Variants in FAM78A observed in about 807,000 individuals in gnomAD.
FAM78A encodes the protein protein FAM78A.
In FAM78A, 12 loss-of-function variants were observed where a neutral mutation model predicts 22.6. That is an observed-to-expected ratio of 0.53 (90% confidence interval 0.34 to 0.86). The LOEUF (loss-of-function observed/expected upper bound fraction) is 0.86, where lower values mean the gene tolerates loss of function less well. Ranked by LOEUF, FAM78A falls within the 40% of genes least tolerant of loss-of-function variation. The probability of loss-of-function intolerance (pLI) is 0.02; values close to 1 mark genes in which losing one functional copy is unlikely to be tolerated. For missense variants in FAM78A, 322 were observed against 396.1 expected, an observed-to-expected ratio of 0.81 and a Z score of 1.59; for synonymous variants, 151 against 155.8, an observed-to-expected ratio of 0.97 and a Z score of 0.23.
intron 1 of FAM78A, among the ~76,000 whole-genome samples, chr9:131,267,872 C>T (rs549082077): frequency 2.0e-5 from 3 of 151,958 alleles, no homozygotes; most frequent in East Asian, 3.9e-4. Flanking sequence ...GGTGAAACCC[C>T]GTCTCTACTA....
upstream of FAM78A, among the ~76,000 whole-genome samples, chr9:131,279,855 G>C (rs1194956516): frequency 6.6e-6 from 1 of 152,218 alleles, no homozygotes; most frequent in Non-Finnish European, 1.5e-5. Context: ...AGGGGATAGA[G>C]ACTTCTCAGA....
At chr9:131,267,758 G>A (rs1480459546) in intron 1 of FAM78A, among the ~76,000 whole-genome samples, 1 of 152,100 alleles carries the variant, frequency 6.6e-6, no homozygotes, top group Non-Finnish European at 1.5e-5. Flanking sequence ...AAGACTTGAG[G>A]CTCCAGGCCG....
chr9:131,276,423 GAAT>G lies in FAM78A; in HGVS notation c.-247_-245del. The G allele has an allele frequency of 2.2e-6, 1 of 447,470 alleles. No homozygotes were observed. The highest frequency in any genetic ancestry group is 3.9e-5 in the Admixed American group (1 of 25,528). The allele number at this position is 447,470 out of a possible 1,614,324, so 27.7% of individuals were successfully genotyped here. On this transcript the variant is annotated 5_prime_UTR_variant, in exon 1 of 2. Coordinates refer to ENST00000372271, the MANE Select transcript of FAM78A (RefSeq NM_033387.4). The surrounding 1 kb of genome is among the most constrained non-coding windows in gnomAD (Gnocchi z 4.3). ...GGTTAAAAAAAGTTTGTAGTTTAATGAATAATTATGCGGTTCTGACATCCAGCC... is the reference window on the plus strand; with the variant it reads ...GGTTAAAAAAAGTTTGTAGTTTAATGAATTATGCGGTTCTGACATCCAGCC...
chr9:131,270,547 C>G, intron 1 of FAM78A: 1 of 714,722 alleles, frequency 1.4e-6, no homozygotes, highest in Non-Finnish European at 2.6e-6. Context: ...GGGGAGCTCT[C>G]TTTAGGCTGG....
rs929404153 is a variant in FAM78A at position 131,265,763 on chromosome 9, G to A, written c.324-4413C>T. On this transcript the variant is annotated intron_variant, in intron 1 of 1. Transcript: ENST00000372271. This position sits in a 1 kb window ranked among gnomAD's most constrained non-coding sequence, Gnocchi z 4.3. Reference sequence around the variant, plus strand: ...CAGGGCCCTTCTGAGTGCAGGCCCCGGACAGCTGTCCAGTCTAGGAGCCCA... The same window carrying A: ...CAGGGCCCTTCTGAGTGCAGGCCCCAGACAGCTGTCCAGTCTAGGAGCCCA... 1.3e-5 allele frequency among the ~76,000 whole-genome samples: 2 copies of A among 152,110 alleles called. No homozygotes were observed. The highest frequency in any genetic ancestry group is 2.4e-5 in the African/African-American group (1 of 41,420).
intron 1 of FAM78A, chr9:131,270,141 T>C: frequency 4.8e-6 from 3 of 621,494 alleles, no homozygotes; most frequent in South Asian, 1.8e-5. Context: ...GGGAGGCGGA[T>C]GTTGCAGTGA....
At chr9:131,263,253 A>AG (rs1835297230) in intron 1 of FAM78A, among the ~76,000 whole-genome samples, 1 of 150,478 alleles carries the variant, frequency 6.6e-6, no homozygotes, top group South Asian at 2.1e-4. Context: ...AAAAAAAAAA[A>AG]AGAAAAAGAA....
Position 131,260,972 on chromosome 9 carries a change from G to A in FAM78A, c.702C>T (p.Pro234=), listed in dbSNP as rs770211682. Residue 234 remains proline, a synonymous_variant, in exon 2 of 2, where the codon CCC becomes CCT. Coordinates refer to ENST00000372271, the MANE Select transcript of FAM78A (RefSeq NM_033387.4). The surrounding 1 kb of genome is among the most constrained non-coding windows in gnomAD (Gnocchi z 5.4). ...GGATTTTGGGCTGGTCCTGGGCGAT[G>A]GGCTCCCGCAGCCGGGCGCGCTGGC... The part of the protein sequence containing the change: ...PLGQRARLRE[P]IAQDQPKILS... The A allele has an allele frequency of 5.0e-6, 8 of 1,612,980 alleles. No homozygotes were observed. The highest frequency in any genetic ancestry group is 2.7e-5 in the African/African-American group (2 of 74,918).
chr9:131,276,213 C>A lies in FAM78A; in HGVS notation c.-34G>T. 1 of 1,555,850 alleles carries A rather than the reference C, an allele frequency of 6.4e-7. No individual in the cohort carries two copies. On this transcript the variant is annotated 5_prime_UTR_variant, in exon 1 of 2. Coordinates refer to ENST00000372271, the MANE Select transcript of FAM78A (RefSeq NM_033387.4). The surrounding 1 kb of genome is among the most constrained non-coding windows in gnomAD (Gnocchi z 4.3). ...CAGAGGCTGCAGGACCCAGTACAGA[C>A]GGCGCTGCTCTCCAATCTCAACTCT...
chr9:131,277,086 C>A (rs1270177622), upstream of FAM78A, among the ~76,000 whole-genome samples: 1 of 151,258 alleles, frequency 6.6e-6, no homozygotes, highest in Non-Finnish European at 1.5e-5. The surrounding 1 kb of genome is among the most constrained non-coding windows in gnomAD (Gnocchi z 8.4). Context: ...GGCGGTCTCC[C>A]CGGAGGCGGT....
intron 1 of FAM78A, among the ~76,000 whole-genome samples, chr9:131,267,923 G>A (rs1006385153): frequency 2.0e-5 from 3 of 152,068 alleles, no homozygotes; most frequent in African/African-American, 7.2e-5. Flanking sequence ...GTGGTGGCAG[G>A]CACCTGTAGT....
upstream of FAM78A, among the ~76,000 whole-genome samples, chr9:131,280,005 G>A (rs773118232): frequency 4.6e-5 from 7 of 152,224 alleles, no homozygotes; most frequent in Admixed American, 1.3e-4. Context: ...CAGCAGAGGT[G>A]TGTGGGCGCC....
At chr9:131,276,644 ACCCGC>A (rs1327101249), upstream of FAM78A, 1 of 152,776 alleles carries the variant, frequency 6.5e-6, no homozygotes, top group Non-Finnish European at 1.5e-5. The surrounding 1 kb of genome is among the most constrained non-coding windows in gnomAD (Gnocchi z 4.3). Context: ...CCGCACCCGC[ACCCGC>A]CCGGCGCGGT....
At chr9:131,264,911 C>T (rs759170359) in intron 1 of FAM78A, among the ~76,000 whole-genome samples, 69 of 151,954 alleles carry the variant, frequency 4.5e-4, no homozygotes, top group Non-Finnish European at 8.8e-4. Flanking sequence ...TTAGTAGAGA[C>T]GGGGTTTCAC....
At chr9:131,280,333 C>T (rs1243589155), upstream of FAM78A, among the ~76,000 whole-genome samples, 1 of 152,232 alleles carries the variant, frequency 6.6e-6, no homozygotes, top group Admixed American at 6.5e-5. Context: ...TTTTCCGGAG[C>T]TCCGTGGGTG....
rs1835428735 is a variant in FAM78A at position 131,272,118 on chromosome 9, G to T, written c.323+3739C>A. 6.6e-6 allele frequency among the ~76,000 whole-genome samples: 1 copy of T among 152,112 alleles called. No homozygotes were observed. Among genetic ancestry groups the T allele is most frequent in the Non-Finnish European group, 1.5e-5 (1 of 68,030 alleles). ...GGCTTAGGGATTAATTTTAAGCAGG[G>T]ATAACGTTTGGGGGTATTATGGATT... On this transcript the variant is annotated intron_variant, in intron 1 of 1. Transcript: ENST00000372271. The surrounding 1 kb of genome is among the most constrained non-coding windows in gnomAD (Gnocchi z 4.1).
At chr9:131,264,372 G>T (rs1835314646) in intron 1 of FAM78A, 1 of 555,600 alleles carries the variant, frequency 1.8e-6, no homozygotes, top group Non-Finnish European at 3.2e-6. Context: ...ATGGCTCAGG[G>T]CCAGGGCCAA....
In FAM78A at chr9:131,265,378, C is replaced by T. The variant is rs1835331412; in HGVS notation, c.324-4028G>A. The stretch of plus-strand genomic sequence containing the variant: ...TCAAGCGATTCTCCTGCCTCAGCTT[C>T]CCAAGTAGCTGGGATTACAGGCATG... On this transcript the variant is annotated intron_variant, in intron 1 of 1. Coordinates refer to ENST00000372271, the MANE Select transcript of FAM78A (RefSeq NM_033387.4). The surrounding 1 kb of genome is among the most constrained non-coding windows in gnomAD (Gnocchi z 4.3). Among the ~76,000 whole-genome samples the T allele has an allele frequency of 1.3e-5, 2 of 152,144 alleles. No individual in the cohort carries two copies. Among genetic ancestry groups the T allele is most frequent in the African/African-American group, 4.8e-5 (2 of 41,422 alleles).
chr9:131,266,071 CCTGTGTCTCCGGGACA>C (rs1157704589), intron 1 of FAM78A, among the ~76,000 whole-genome samples: 1 of 152,130 alleles, frequency 6.6e-6, no homozygotes, highest in East Asian at 1.9e-4. Context: ...AACGGGGAGG[CCTGTGTCTCCGGGACA>C]CAGCGCCATC....
Sources: gnomAD v4.1 joint callset for allele counts (sites outside exome capture counted in the v4.1 genomes callset) on GRCh38, gnomAD v4.1.1 for gene constraint, Gnocchi (gnomAD v3.1) non-coding constraint, MANE v1.5 for transcripts, NCBI Gene and HGNC (gene_info 2026-07-23, HGNC 2026-07-21) for gene names.